The following FBH1 variants were observed in gnomAD, a reference collection of about 807,000 sequenced individuals.
FBH1 encodes the protein F-box DNA helicase 1.
Under a neutral mutation model 115.5 loss-of-function variants are expected in FBH1, and 43 were observed. The observed-to-expected ratio is 0.37, with a 90% confidence interval of 0.29 to 0.48. The LOEUF is 0.48. FBH1 is among the 20% of genes least tolerant of loss of function. The pLI, the probability that FBH1 is intolerant of heterozygous loss-of-function variation, is 0.99. For synonymous variants in FBH1, 524 were observed against 507.8 expected (o/e 1.03, Z -0.43); for missense variants, 1,001 against 1,337.3 (o/e 0.75, Z 3.92).
At chr10:5,890,214 A>G (rs1309748499), upstream of FBH1, 23 of 348,376 alleles carry the variant, frequency 6.6e-5, no homozygotes, top group Non-Finnish European at 1.1e-4. Flanking sequence ...GAGCTCGCGG[A>G]GGAAGTCGGC....
chr10:5,912,565 A>T (rs2131976396), intron 6 of FBH1, among the ~76,000 whole-genome samples: 1 of 152,256 alleles, frequency 6.6e-6, no homozygotes, highest in South Asian at 2.1e-4. Flanking sequence ...CCCTTAAAGG[A>T]AGGTGGCTAG....
intron 18 of FBH1, among the ~76,000 whole-genome samples, chr10:5,926,866 C>T (rs529896618): frequency 2.6e-5 from 4 of 152,318 alleles, no homozygotes; most frequent in South Asian, 4.1e-4. Context: ...TGTAGTGAAT[C>T]GAGATGGGAG....
At position 5,906,775 on chromosome 10, in the gene FBH1, C is replaced by A. The variant is rs1843719089; in HGVS notation, c.753+143C>A. 1.5e-6 allele frequency: 1 copy of A among 648,470 alleles called. No homozygotes were observed. The highest frequency in any genetic ancestry group is 2.6e-6 in the Non-Finnish European group (1 of 382,006). 40.2% of individuals were successfully genotyped at this position (648,470 alleles called of 1,614,324 possible). On this transcript the variant is annotated intron_variant, in intron 3 of 20. Coordinates refer to ENST00000362091, the MANE Select transcript of FBH1 (RefSeq NM_178150.3). The surrounding 1 kb of genome is among the most constrained non-coding windows in gnomAD (Gnocchi z 7.3). ...TCAGACTCCTTAGAGGCATTTAAGG[C>A]CTTCCGTGTCTGCCCCACCCTATGA...
At chr10:5,894,246 T>C (rs1589041673) in intron 1 of FBH1, 1 of 1,395,138 alleles carries the variant, frequency 7.2e-7, no homozygotes, top group East Asian at 2.6e-5. Flanking sequence ...TTGAAGTTTT[T>C]CCATTTCGGG....
chr10:5,893,737 C>T (rs1842861800), intron 1 of FBH1, among the ~76,000 whole-genome samples: 1 of 152,090 alleles, frequency 6.6e-6, no homozygotes. Flanking sequence ...TTGGTAGCTG[C>T]CTTATGGGTA....
chr10:5,915,527 C>A lies in FBH1; in HGVS notation c.1521C>A (p.Ile507=). ...AACGCGTCTTCCCCAGCAACGTCAT[C>A]TGCAAAACCTTCCACTCCATGGCCT... ...QAERVFPSNV[I]CKTFHSMAYG... Residue 507 remains isoleucine, a synonymous_variant, in exon 9 of 21, where the codon ATC becomes ATA. Coordinates refer to ENST00000362091, the MANE Select transcript of FBH1 (RefSeq NM_178150.3). This position sits in a 1 kb window ranked among gnomAD's most constrained non-coding sequence, Gnocchi z 5.2. The A allele has an allele frequency of 2.5e-6, 4 of 1,614,230 alleles. No homozygotes were observed. The highest frequency in any genetic ancestry group is 3.4e-6 in the Non-Finnish European group (4 of 1,180,030).
At position 5,913,791 on chromosome 10, in the gene FBH1, C is replaced by T. The variant is rs1831756200; in HGVS notation, c.1256C>T (p.Ser419Phe). Residue 419 changes from serine to phenylalanine, a missense_variant, in exon 7 of 21, where the codon TCC becomes TTC. Around this residue, in one of 4 missense-constraint regions of FBH1, gnomAD observed 521 missense variants for 811.0 expected, o/e 0.64. Transcript: ENST00000362091. This position sits in a 1 kb window ranked among gnomAD's most constrained non-coding sequence, Gnocchi z 4.4. Reference sequence around the variant, plus strand: ...TATTGCCTATATCTTCAGGAGAATTCCTGCACTCAGGCCACAAAAGTTAAA... The same window carrying T: ...TATTGCCTATATCTTCAGGAGAATTTCTGCACTCAGGCCACAAAAGTTAAA... ...IFYCLYLQEN[S>F]CTQATKVKEE... The T allele has an allele frequency of 6.3e-7, 1 of 1,592,692 alleles. No individual in the cohort carries two copies.
chr10:5,896,202 T>C (rs1203789123), intron 1 of FBH1, among the ~76,000 whole-genome samples: 1 of 152,124 alleles, frequency 6.6e-6, no homozygotes, highest in Non-Finnish European at 1.5e-5. Flanking sequence ...CAGGGGAGAC[T>C]GATAAGGGTC....
In FBH1 at chr10:5,936,678, GA is replaced by G; in HGVS notation, c.2961+92del. ...ATCTGGGTTGTAGGTGAGGAGATAAGAGAGAGCTGTGTGATCCTTTATTAGG... is the reference window on the plus strand; with the variant it reads ...ATCTGGGTTGTAGGTGAGGAGATAAGGAGAGCTGTGTGATCCTTTATTAGG... On this transcript the variant is annotated intron_variant, in intron 20 of 20. Coordinates refer to ENST00000362091, the MANE Select transcript of FBH1 (RefSeq NM_178150.3). This position sits in a 1 kb window ranked among gnomAD's most constrained non-coding sequence, Gnocchi z 5.6. 6.6e-7 allele frequency: 1 copy of G among 1,514,268 alleles called. No homozygotes were observed. 93.8% of individuals were successfully genotyped at this position (1,514,268 alleles called of 1,614,324 possible). A position where few individuals can be genotyped will look rare whatever the true frequency, so the allele number is the denominator to read the frequency against.
At position 5,921,522 on chromosome 10, in the gene FBH1, G is replaced by A. The variant is rs768258875; in HGVS notation, c.2275G>A (p.Val759Ile). Residue 759 changes from valine to isoleucine, a missense_variant, in exon 15 of 21, where the codon GTA becomes ATA. Around this residue, in one of 4 missense-constraint regions of FBH1, gnomAD observed 521 missense variants for 811.0 expected, o/e 0.64. Transcript: ENST00000362091. This position sits in a 1 kb window ranked among gnomAD's most constrained non-coding sequence, Gnocchi z 6.4. ...CAACGCCAACGTGTTTGATGAGGCCGTACGGGTGACGGAAGGGGAATTCCC... is the reference window on the plus strand; with the variant it reads ...CAACGCCAACGTGTTTGATGAGGCCATACGGGTGACGGAAGGGGAATTCCC... ...RTNANVFDEAVRVTEGEFPSR... is the reference protein window; with the variant it reads ...RTNANVFDEAIRVTEGEFPSR... 1.6e-5 allele frequency: 25 copies of A among 1,596,614 alleles called. No homozygotes were observed. The highest frequency in any genetic ancestry group is 3.4e-5 in the South Asian group (3 of 87,458).
chr10:5,924,139 A>G lies in FBH1; in HGVS notation c.2399-172A>G. 1.6e-6 allele frequency: 1 copy of G among 638,372 alleles called. No individual in the cohort carries two copies. The allele number at this position is 638,372 out of a possible 1,614,324, so 39.5% of individuals were successfully genotyped here. On this transcript the variant is annotated intron_variant, in intron 16 of 20. Transcript: ENST00000362091. This position sits in a 1 kb window ranked among gnomAD's most constrained non-coding sequence, Gnocchi z 6.2. ...GGAGACGGAGAGGCTACTGCACTGC[A>G]CTGACTTGCCCAGGGACACACAGCG...
At chr10:5,908,606 CTTT>C (rs962734844) in intron 3 of FBH1, among the ~76,000 whole-genome samples, 1 of 143,956 alleles carries the variant, frequency 6.9e-6, no homozygotes. Context: ...TTTTTTCTTT[CTTT>C]TTTTTTTTTT....
At chr10:5,919,034 G>T (rs1345006740) in intron 13 of FBH1, among the ~76,000 whole-genome samples, 1 of 152,194 alleles carries the variant, frequency 6.6e-6, no homozygotes, top group Non-Finnish European at 1.5e-5. Context: ...GTATATCTCA[G>T]CAGGCAATGC....
chr10:5,924,933 G>C lies in FBH1; in HGVS notation c.2596+425G>C, dbSNP rs1361326735. The stretch of plus-strand genomic sequence containing the variant: ...GATGGCTTTATTGCTTAAGGGAAAG[G>C]GGAGCAGAGTCCTGGTTCTTCCTCA... On this transcript the variant is annotated intron_variant, in intron 17 of 20. Coordinates refer to ENST00000362091, the MANE Select transcript of FBH1 (RefSeq NM_178150.3). The surrounding 1 kb of genome is among the most constrained non-coding windows in gnomAD (Gnocchi z 6.2). 5.6e-6 allele frequency: 2 copies of C among 358,114 alleles called. No homozygotes were observed. Among genetic ancestry groups the C allele is most frequent in the Non-Finnish European group, 1.1e-5 (2 of 183,398 alleles). The allele number at this position is 358,114 out of a possible 1,614,324, so 22.2% of individuals were successfully genotyped here. A position where few individuals can be genotyped will look rare whatever the true frequency, so the allele number is the denominator to read the frequency against.
chr10:5,890,395 T>G, intron 1 of FBH1, 49 bp downstream of exon 1: 1 of 367,354 alleles, frequency 2.7e-6, no homozygotes, highest in Non-Finnish European at 5.1e-6. Context: ...GGCTCCGCCG[T>G]GTGGAAAACT....
chr10:5,890,270 C>T lies in FBH1; in HGVS notation c.-76C>T, dbSNP rs1385925928. Reference sequence around the variant, plus strand: ...CCCGGCCAGAGGAGGAGCTCGCTGCCGGGGGACGCTGGGCTGAGCGGCCGG... The same window carrying T: ...CCCGGCCAGAGGAGGAGCTCGCTGCTGGGGGACGCTGGGCTGAGCGGCCGG... On this transcript the variant is annotated 5_prime_UTR_variant, in exon 1 of 21. Coordinates refer to ENST00000362091, the MANE Select transcript of FBH1 (RefSeq NM_178150.3). 1.1e-5 allele frequency: 4 copies of T among 367,218 alleles called. No individual in the cohort carries two copies. The highest frequency in any genetic ancestry group is 6.5e-5 in the African/African-American group (3 of 46,510). The allele number at this position is 367,218 out of a possible 1,614,324, so 22.7% of individuals were successfully genotyped here.
Position 5,914,272 on chromosome 10 carries a change from A to G in FBH1, c.1396+3A>G. 6.2e-7 allele frequency: 1 copy of G among 1,613,984 alleles called. No homozygotes were observed. The highest frequency in any genetic ancestry group is 2.2e-5 in the East Asian group (1 of 44,890). On this transcript the variant is annotated splice_donor_region_variant and intron_variant, in intron 8 of 20. Coordinates refer to ENST00000362091, the MANE Select transcript of FBH1 (RefSeq NM_178150.3). This position sits in a 1 kb window ranked among gnomAD's most constrained non-coding sequence, Gnocchi z 5.2. ...GGTGAAAATTATGGCCTTTGCCGGT[A>G]AGGGAGCCCACATCAGGTTCACGAG...
chr10:5,898,671 A>G (rs1782388015), intron 1 of FBH1, among the ~76,000 whole-genome samples: 1 of 152,146 alleles, frequency 6.6e-6, no homozygotes, highest in African/African-American at 2.4e-5. Context: ...TGGCCTCTCA[A>G]AGTGCTGGGA....
Position 5,923,974 on chromosome 10 carries a change from T to C in FBH1, c.2398+278T>C, listed in dbSNP as rs912417336. On this transcript the variant is annotated intron_variant, in intron 16 of 20. Transcript: ENST00000362091. The surrounding 1 kb of genome is among the most constrained non-coding windows in gnomAD (Gnocchi z 5.7). ...ATCCTTCTGTCTGCCTGGGCCAATTTATACGTTGATACTTCCACGTGGGCC... is the reference window on the plus strand; with the variant it reads ...ATCCTTCTGTCTGCCTGGGCCAATTCATACGTTGATACTTCCACGTGGGCC... 7.2e-6 allele frequency: 4 copies of C among 559,322 alleles called. No individual in the cohort carries two copies. The highest frequency in any genetic ancestry group is 3.8e-5 in the African/African-American group (2 of 53,312). 34.6% of individuals were successfully genotyped at this position (559,322 alleles called of 1,614,324 possible).
Sources: gnomAD v4.1 joint callset for allele counts (sites outside exome capture counted in the v4.1 genomes callset) on GRCh38, gnomAD v4.1.1 for gene constraint, gnomAD v4.1.1 regional missense constraint, Gnocchi (gnomAD v3.1) non-coding constraint, MANE v1.5 for transcripts, NCBI Gene and HGNC (gene_info 2026-07-23, HGNC 2026-07-21) for gene names.